CDIN1: variants seen among roughly 807,000 people sequenced by gnomAD.
CDIN1 encodes CDAN1 interacting nuclease 1.
A neutral mutation model predicts 45.3 loss-of-function variants in CDIN1; 33 were observed. The observed-to-expected ratio is 0.73, with a 90% CI of 0.55 to 0.97. The LOEUF (loss-of-function observed/expected upper bound fraction) is 0.97. Ranked by LOEUF, CDIN1 falls within the 50% of genes least tolerant of loss-of-function variation. The pLI is 0.00. For synonymous variants in CDIN1, 118 were observed against 124.4 expected (o/e 0.95, Z 0.34); for missense variants, 303 against 339.4 (o/e 0.89, Z 0.84).
At position 36,709,313 on chromosome 15, in the gene CDIN1, A is replaced by G. The variant is rs377530293; in HGVS notation, c.610+25A>G. 1.3e-4 allele frequency: 206 copies of G among 1,565,798 alleles called. No homozygotes were observed. The African/African-American group carries it at 2.6e-3, about 20-fold the overall frequency. Reference sequence around the variant, plus strand: ...GGTAAGTTCTTTAACTCTGTTATGCATTTGTTTTTAGAGAAAAGGGATGTA... The same window carrying G: ...GGTAAGTTCTTTAACTCTGTTATGCGTTTGTTTTTAGAGAAAAGGGATGTA... On this transcript the variant is annotated intron_variant, in intron 9 of 10. Transcript: ENST00000566621.
intron 8 of CDIN1, among the ~76,000 whole-genome samples, chr15:36,703,350 A>ATATATATATAT (rs1491409839): frequency 1.2e-5 from 1 of 83,906 alleles, no homozygotes; most frequent in East Asian, 4.1e-4. Flanking sequence ...TCAGATATAT[A>ATATATATATAT]CATATATCAG....
At chr15:36,698,281 A>T (rs78413735) in intron 8 of CDIN1, among the ~76,000 whole-genome samples, 1 of 152,308 alleles carries the variant, frequency 6.6e-6, no homozygotes, top group African/African-American at 2.4e-5. Context: ...TTAATGTTCA[A>T]TGTTTTTATT....
intron 10 of CDIN1, among the ~76,000 whole-genome samples, chr15:36,740,999 C>A (rs1365363480): frequency 1.3e-5 from 2 of 152,046 alleles, no homozygotes; most frequent in African/African-American, 4.8e-5. Flanking sequence ...TGCAGTGGCA[C>A]GATCATGGCT....
chr15:36,745,914 C>T (rs2044407517), intron 10 of CDIN1, among the ~76,000 whole-genome samples: 1 of 151,810 alleles, frequency 6.6e-6, no homozygotes, highest in African/African-American at 2.4e-5. Flanking sequence ...TGCAATGAGC[C>T]GAGATCACGC....
At chr15:36,600,383 T>C (rs1342979542) in intron 1 of CDIN1, among the ~76,000 whole-genome samples, 1 of 152,200 alleles carries the variant, frequency 6.6e-6, no homozygotes, top group Non-Finnish European at 1.5e-5. Flanking sequence ...ATGGTGCCTG[T>C]AGTTCACGAG....
At position 36,748,372 on chromosome 15, in the gene CDIN1, A is replaced by C. The variant is rs150688560; in HGVS notation, c.716+38411A>C. 6.0e-3 allele frequency among the ~76,000 whole-genome samples: 899 copies of C among 151,006 alleles called. 14 individuals are homozygous for C. The highest frequency in any genetic ancestry group is 0.021 in the African/African-American group (851 of 41,462). Reference sequence around the variant, plus strand: ...TTGTTATAATTCTGTGCTGTGGCATAGATGCCATAGCCAGATGTCTCACTT... The same window carrying C: ...TTGTTATAATTCTGTGCTGTGGCATCGATGCCATAGCCAGATGTCTCACTT... On this transcript the variant is annotated intron_variant, in intron 10 of 10. Transcript: ENST00000566621.
chr15:36,718,486 A>C (rs1292462284), intron 10 of CDIN1, among the ~76,000 whole-genome samples: 1 of 152,054 alleles, frequency 6.6e-6, no homozygotes, highest in African/African-American at 2.4e-5. Context: ...TGATCCATGA[A>C]CCTGACATCT....
In CDIN1 at chr15:36,697,226, A is replaced by G. The variant is rs1011907864; in HGVS notation, c.477-97A>G. On this transcript the variant is annotated intron_variant, in intron 7 of 10. Coordinates refer to ENST00000566621, the MANE Select transcript of CDIN1 (RefSeq NM_001321759.2). ...ATTTCATTCCTCCAAGATGTGGACT[A>G]AGGGTGAAAATGGCTGCTCAAAGTA... The G allele has an allele frequency of 3.3e-6, 3 of 900,994 alleles. No individual in the cohort carries two copies. In the Admixed American group the frequency reaches 5.9e-5, roughly 18 times the overall value. 55.8% of individuals were successfully genotyped at this position (900,994 alleles called of 1,614,324 possible).
intron 10 of CDIN1, among the ~76,000 whole-genome samples, chr15:36,743,331 C>T (rs2044303820): frequency 6.6e-6 from 1 of 152,152 alleles, no homozygotes; most frequent in Non-Finnish European, 1.5e-5. Context: ...ATAATCTTAG[C>T]AAAGTCATAG....
intron 3 of CDIN1, among the ~76,000 whole-genome samples, chr15:36,645,957 TTTAAAATA>T (rs1241263050): frequency 1.4e-5 from 1 of 73,838 alleles, no homozygotes; most frequent in Non-Finnish European, 2.6e-5. Flanking sequence ...TGAAACAATA[TTTAAAATA>T]GCTCTGTTTT....
intron 1 of CDIN1, among the ~76,000 whole-genome samples, chr15:36,636,368 T>C (rs2039898004): frequency 6.6e-6 from 1 of 151,962 alleles, no homozygotes; most frequent in Non-Finnish European, 1.5e-5. Context: ...CTGGCTAACA[T>C]GGTGAAACCC....
chr15:36,743,114 A>T (rs2044295878), intron 10 of CDIN1, among the ~76,000 whole-genome samples: 1 of 152,224 alleles, frequency 6.6e-6, no homozygotes, highest in African/African-American at 2.4e-5. Flanking sequence ...GTGTGTCAGG[A>T]TAGAGAAGAT....
intron 5 of CDIN1, among the ~76,000 whole-genome samples, chr15:36,668,804 C>T (rs1348287787): frequency 6.6e-6 from 1 of 152,070 alleles, no homozygotes; most frequent in African/African-American, 2.4e-5. Flanking sequence ...GTGAAGTCTT[C>T]CAGAGCCCTA....
At chr15:36,744,279 C>T (rs2044342177) in intron 10 of CDIN1, among the ~76,000 whole-genome samples, 1 of 152,146 alleles carries the variant, frequency 6.6e-6, no homozygotes, top group African/African-American at 2.4e-5. Flanking sequence ...CATAGGGGAG[C>T]AAATGTCAAC....
At chr15:36,623,433 A>G (rs949333422) in intron 1 of CDIN1, among the ~76,000 whole-genome samples, 12 of 152,234 alleles carry the variant, frequency 7.9e-5, no homozygotes, top group Admixed American at 2.6e-4. Flanking sequence ...CAGTAGTTGC[A>G]TGTTAACTTT....
chr15:36,778,616 T>C (rs2054276824), intron 10 of CDIN1, among the ~76,000 whole-genome samples: 1 of 152,196 alleles, frequency 6.6e-6, no homozygotes, highest in Non-Finnish European at 1.5e-5. Flanking sequence ...TCTTGGCATA[T>C]AGTGCACATC....
intron 10 of CDIN1, among the ~76,000 whole-genome samples, chr15:36,771,692 G>A (rs1456729583): frequency 6.6e-6 from 1 of 152,194 alleles, no homozygotes; most frequent in African/African-American, 2.4e-5. Context: ...CACTTTGGGA[G>A]GCCAAAGCAG....
intron 10 of CDIN1, among the ~76,000 whole-genome samples, chr15:36,782,410 A>T (rs1343057983): frequency 6.6e-6 from 1 of 152,160 alleles, no homozygotes; most frequent in Non-Finnish European, 1.5e-5. Context: ...CTCCTAGTAA[A>T]TCATCACTCT....
intron 1 of CDIN1, among the ~76,000 whole-genome samples, chr15:36,621,521 A>G (rs1190867045): frequency 6.6e-6 from 1 of 152,192 alleles, no homozygotes; most frequent in Non-Finnish European, 1.5e-5. Flanking sequence ...ATCACCTACT[A>G]GGTGAAACAT....
Sources: gnomAD v4.1 joint callset for allele counts (sites outside exome capture counted in the v4.1 genomes callset) on GRCh38, gnomAD v4.1.1 for gene constraint, MANE v1.5 for transcripts, NCBI Gene and HGNC (gene_info 2026-07-23, HGNC 2026-07-21) for gene names.